Variants in CNTN4 observed in about 807,000 individuals in gnomAD.
CNTN4 encodes contactin-4.
A neutral mutation model predicts 122.5 loss-of-function variants in CNTN4; 77 were observed. The ratio of observed to expected loss-of-function variants is 0.63; its 90% CI spans 0.52 to 0.76. The LOEUF is 0.76. Among genes scored for constraint, CNTN4 ranks in the 30% least tolerant of loss-of-function variants. The pLI, the probability that CNTN4 is intolerant of heterozygous loss-of-function variation, is 0.00. For synonymous variants in CNTN4, 512 were observed against 447.0 expected (o/e 1.15, Z -1.83); for missense variants, 1,256 against 1,259.1 (o/e 1.00, Z 0.04).
At chr3:2,683,607 T>C (rs918321583) in intron 4 of CNTN4, among the ~76,000 whole-genome samples, 1 of 151,714 alleles carries the variant, frequency 6.6e-6, no homozygotes, top group African/African-American at 2.4e-5. Flanking sequence ...ATGAAGATGA[T>C]GATGATTAAC....
At chr3:2,667,076 C>T (rs1224022431) in intron 4 of CNTN4, among the ~76,000 whole-genome samples, 1 of 152,070 alleles carries the variant, frequency 6.6e-6, no homozygotes, top group Non-Finnish European at 1.5e-5. Context: ...TTTATAGCAG[C>T]ATGGTTTATA....
At chr3:2,871,878 T>C (rs1559603505) in intron 8 of CNTN4, among the ~76,000 whole-genome samples, 1 of 152,198 alleles carries the variant, frequency 6.6e-6, no homozygotes, top group African/African-American at 2.4e-5. Flanking sequence ...TTGGTAGATA[T>C]ATGTGAGAAC....
At chr3:2,836,937 A>G (rs2093239904) in intron 7 of CNTN4, among the ~76,000 whole-genome samples, 1 of 152,194 alleles carries the variant, frequency 6.6e-6, no homozygotes, top group Non-Finnish European at 1.5e-5. Context: ...TACTTCTATA[A>G]TCTGCTTAAT....
chr3:2,595,305 T>C (rs950760147), intron 4 of CNTN4, among the ~76,000 whole-genome samples: 6 of 152,206 alleles, frequency 3.9e-5, no homozygotes, highest in African/African-American at 1.2e-4. Context: ...TTCATGCCAG[T>C]TAGATCCCAT....
chr3:2,540,091 G>A (rs879649345), intron 3 of CNTN4, among the ~76,000 whole-genome samples: 15 of 151,982 alleles, frequency 9.9e-5, no homozygotes, highest in Admixed American at 9.8e-4. Context: ...GTGTGTGTGT[G>A]TGTGTATCAG....
At chr3:2,107,486 G>C (rs139094400) in intron 2 of CNTN4, among the ~76,000 whole-genome samples, 1 of 152,190 alleles carries the variant, frequency 6.6e-6, no homozygotes, top group South Asian at 2.1e-4. Context: ...ATCAGATCTC[G>C]TGAGAATCAT....
intron 3 of CNTN4, among the ~76,000 whole-genome samples, chr3:2,432,879 G>A (rs1218851220): frequency 2.0e-5 from 3 of 148,436 alleles, no homozygotes; most frequent in Non-Finnish European, 3.0e-5. Context: ...TGAGCTCTTG[G>A]TTCACTGCAG....
intron 4 of CNTN4, among the ~76,000 whole-genome samples, chr3:2,592,148 T>A (rs1361670152): frequency 6.6e-6 from 1 of 152,156 alleles, no homozygotes; most frequent in Non-Finnish European, 1.5e-5. Flanking sequence ...CTGAAAGTGT[T>A]GGACTTAGAG....
At chr3:2,945,871 A>G (rs2094671828) in intron 13 of CNTN4, among the ~76,000 whole-genome samples, 2 of 152,194 alleles carry the variant, frequency 1.3e-5, no homozygotes, top group African/African-American at 4.8e-5. Context: ...TTATATATAC[A>G]TCACAATATA....
At chr3:2,421,819 T>C (rs1318306703) in intron 3 of CNTN4, among the ~76,000 whole-genome samples, 1 of 152,250 alleles carries the variant, frequency 6.6e-6, no homozygotes, top group African/African-American at 2.4e-5. Context: ...AAAACTCATC[T>C]TTTGAGCTAA....
At chr3:2,699,181 G>C (rs2086218364) in intron 4 of CNTN4, among the ~76,000 whole-genome samples, 1 of 152,272 alleles carries the variant, frequency 6.6e-6, no homozygotes, top group South Asian at 2.1e-4. Context: ...TACACCCTCA[G>C]GGTATAACTT....
At chr3:2,313,132 T>C (rs1350579848) in intron 2 of CNTN4, among the ~76,000 whole-genome samples, 1 of 151,652 alleles carries the variant, frequency 6.6e-6, no homozygotes, top group Non-Finnish European at 1.5e-5. Flanking sequence ...GATCAAGAAA[T>C]AGAAACAAAA....
chr3:2,982,468 A>C (rs1407284479), intron 13 of CNTN4, among the ~76,000 whole-genome samples: 1 of 152,178 alleles, frequency 6.6e-6, no homozygotes, highest in Non-Finnish European at 1.5e-5. Flanking sequence ...AAATGTCATA[A>C]GGTCTCTGCT....
chr3:2,567,759 G>C (rs889291699), intron 3 of CNTN4, among the ~76,000 whole-genome samples: 1 of 152,068 alleles, frequency 6.6e-6, no homozygotes, highest in African/African-American at 2.4e-5. Flanking sequence ...TGTTTTCCTT[G>C]TCACTTGGCT....
chr3:2,522,557 A>G (rs1216088033), intron 3 of CNTN4, among the ~76,000 whole-genome samples: 2 of 152,138 alleles, frequency 1.3e-5, no homozygotes, highest in Admixed American at 1.3e-4. Flanking sequence ...CTTACTGGCT[A>G]TTAATAATAA....
intron 2 of CNTN4, among the ~76,000 whole-genome samples, chr3:2,270,756 AT>A (rs1358537845): frequency 2.6e-5 from 4 of 152,068 alleles, no homozygotes; most frequent in Non-Finnish European, 4.4e-5. Context: ...CCCAGAATAA[AT>A]TACATTCCTT....
chr3:2,939,104 T>A (rs1041782875), intron 13 of CNTN4, among the ~76,000 whole-genome samples: 1 of 152,316 alleles, frequency 6.6e-6, no homozygotes, highest in African/African-American at 2.4e-5. Flanking sequence ...TATACTAAGT[T>A]TGACCCCTAT....
At chr3:2,316,401 A>G (rs1162761515) in intron 2 of CNTN4, among the ~76,000 whole-genome samples, 1 of 152,136 alleles carries the variant, frequency 6.6e-6, no homozygotes, top group Non-Finnish European at 1.5e-5. Flanking sequence ...AAATGACTGC[A>G]GAAAAAGTCC....
chr3:2,170,719 C>T (rs1443428149), intron 2 of CNTN4, among the ~76,000 whole-genome samples: 3 of 151,982 alleles, frequency 2.0e-5, no homozygotes, highest in African/African-American at 4.8e-5. Context: ...GAATGGGAGA[C>T]TTTACTAGAT....
Sources: allele counts gnomAD v4.1 joint callset (sites outside exome capture counted in the v4.1 genomes callset), GRCh38; gene constraint gnomAD v4.1.1; transcripts MANE v1.5; gene names NCBI Gene and HGNC (gene_info 2026-07-23, HGNC 2026-07-21).